Variants in FHIT observed in about 807,000 individuals in gnomAD.
FHIT encodes bis(5'-adenosyl)-triphosphatase.
In FHIT, 19 loss-of-function variants were observed where a neutral mutation model predicts 17.9. The observed-to-expected ratio is 1.06, with a 90% CI of 0.74 to 1.56. FHIT has a LOEUF of 1.56. Among genes scored for constraint, FHIT ranks in the 40% most tolerant of loss-of-function variants. The pLI, the probability that FHIT is intolerant of heterozygous loss-of-function variation, is 0.00. For synonymous variants in FHIT, 81 were observed against 69.7 expected (o/e 1.16, Z -0.81); for missense variants, 248 against 189.2 (o/e 1.31, Z -1.82).
chr3:60,247,724 G>A (rs551979932), intron 5 of FHIT, among the ~76,000 whole-genome samples: 14 of 152,172 alleles, frequency 9.2e-5, no homozygotes, highest in African/African-American at 3.4e-4. Context: ...CTTGCCACTT[G>A]CTTGATTTTA....
chr3:60,643,156 C>T (rs1329958695), intron 4 of FHIT, among the ~76,000 whole-genome samples: 5 of 152,130 alleles, frequency 3.3e-5, no homozygotes, highest in African/African-American at 1.2e-4. Flanking sequence ...GTCTTCACTG[C>T]AAGATAAAGT....
chr3:60,154,720 C>T (rs191018285), intron 5 of FHIT, among the ~76,000 whole-genome samples: 1 of 152,242 alleles, frequency 6.6e-6, no homozygotes, highest in Admixed American at 6.5e-5. Context: ...TTAAAAGGCA[C>T]AATTAATCAT....
chr3:61,167,016 A>ATT (rs1452367392), intron 2 of FHIT: 1 of 152,254 alleles, frequency 6.6e-6, no homozygotes, highest in African/African-American at 2.4e-5. Context: ...GACTCCAGAC[A>ATT]GGGTGGTCCA....
intron 3 of FHIT, among the ~76,000 whole-genome samples, chr3:60,925,011 A>G (rs1264212184): frequency 6.6e-6 from 1 of 152,234 alleles, no homozygotes; most frequent in African/African-American, 2.4e-5. Context: ...TTTAGAGAAA[A>G]AAGAATAAAA....
Position 60,700,962 on chromosome 3 carries a change from T to TCTA in FHIT, c.-18+120956_-18+120957insTAG, listed in dbSNP as rs529524907. ...TAAGAATTCCTATTTTTCTAAAATT[T>TCTA]ATATTGTTTAATGTACATTCATATA... On this transcript the variant is annotated intron_variant, in intron 4 of 9. Coordinates refer to ENST00000492590, the MANE Select transcript of FHIT (RefSeq NM_002012.4). 6.2e-3 allele frequency among the ~76,000 whole-genome samples: 951 copies of TCTA among 152,296 alleles called. 6 individuals are homozygous for TCTA. The highest frequency in any genetic ancestry group is 0.02 in the African/African-American group (849 of 41,552).
At chr3:60,834,907 C>T (rs940494639) in intron 3 of FHIT, among the ~76,000 whole-genome samples, 2 of 150,484 alleles carry the variant, frequency 1.3e-5, no homozygotes, top group African/African-American at 2.4e-5. Flanking sequence ...AACTCTTTCA[C>T]GGTGCAAAAG....
intron 8 of FHIT, among the ~76,000 whole-genome samples, chr3:59,901,576 A>C (rs1018162944): frequency 1.3e-5 from 2 of 152,322 alleles, no homozygotes; most frequent in Non-Finnish European, 2.9e-5. Context: ...ACAATGAGAT[A>C]CCACTTCATG....
chr3:60,120,109 C>A (rs1705179864), intron 5 of FHIT, among the ~76,000 whole-genome samples: 1 of 152,170 alleles, frequency 6.6e-6, no homozygotes, highest in South Asian at 2.1e-4. Context: ...TTCCACCAAC[C>A]TTTTCCAGTC....
intron 4 of FHIT, among the ~76,000 whole-genome samples, chr3:60,633,607 C>A (rs782119846): frequency 2.0e-5 from 3 of 152,128 alleles, no homozygotes; most frequent in Non-Finnish European, 2.9e-5. Context: ...TTAGAAAAAT[C>A]TTTCAAGCTA....
chr3:60,364,455 C>T (rs1462416866), intron 5 of FHIT, among the ~76,000 whole-genome samples: 2 of 152,222 alleles, frequency 1.3e-5, no homozygotes, highest in East Asian at 3.8e-4. Flanking sequence ...GTGAGACTGG[C>T]AAAATCTCAG....
intron 5 of FHIT, among the ~76,000 whole-genome samples, chr3:60,212,846 G>A (rs1874501): frequency 0.026 from 3,941 of 152,240 alleles, 182 homozygotes; most frequent in African/African-American, 0.088. Flanking sequence ...AATCCTGGGC[G>A]CTAATGATTT....
chr3:60,732,222 C>T (rs1312833807), intron 4 of FHIT: 2 of 833,376 alleles, frequency 2.4e-6, no homozygotes, highest in Non-Finnish European at 2.1e-6. Flanking sequence ...GTTCCATGGC[C>T]TCCATGATAT....
rs782326092 is a variant in FHIT, at chr3:60,854,751, T to C, written c.-110-32740A>G. Among the ~76,000 whole-genome samples the C allele has an allele frequency of 1.7e-4, 26 of 152,204 alleles. No homozygotes were observed. The Middle Eastern group carries it at 0.01, about 60-fold the overall frequency. On this transcript the variant is annotated intron_variant, in intron 3 of 9. Coordinates refer to ENST00000492590, the MANE Select transcript of FHIT (RefSeq NM_002012.4). ...AAAGTTCCATCCAGTGACTTCCACA[T>C]ACATCTGCCCAGCCACAAATGGGTC... is the stretch of plus-strand genomic sequence containing the variant.
At chr3:59,784,719 T>C (rs1207739641) in intron 8 of FHIT, among the ~76,000 whole-genome samples, 2 of 152,228 alleles carry the variant, frequency 1.3e-5, no homozygotes, top group African/African-American at 4.8e-5. Context: ...TTGTCCTTCC[T>C]GCACCAAGGC....
At chr3:60,501,736 A>G (rs2034533954) in intron 5 of FHIT, among the ~76,000 whole-genome samples, 1 of 152,226 alleles carries the variant, frequency 6.6e-6, no homozygotes, top group Admixed American at 6.5e-5. Flanking sequence ...CCACATTAAG[A>G]AATACCAAGT....
chr3:60,000,199 AAAGTCAAG>A (rs1458409579), intron 7 of FHIT, among the ~76,000 whole-genome samples: 3 of 152,102 alleles, frequency 2.0e-5, no homozygotes. Flanking sequence ...TAGGATTCCT[AAAGTCAAG>A]GGAATCCTAC....
intron 4 of FHIT, among the ~76,000 whole-genome samples, chr3:60,675,676 C>G (rs2040607198): frequency 1.3e-5 from 2 of 152,176 alleles, no homozygotes; most frequent in Non-Finnish European, 2.9e-5. Context: ...TCACATCTGT[C>G]TCTATGATAG....
chr3:60,918,580 G>A (rs1397940581), intron 3 of FHIT, among the ~76,000 whole-genome samples: 2 of 152,094 alleles, frequency 1.3e-5, no homozygotes, highest in Non-Finnish European at 2.9e-5. Context: ...CTGAGAGGGT[G>A]AAGGAATGGT....
chr3:61,179,008 C>CTTTTTTTTTTTTTTTT (rs778191387), intron 2 of FHIT, among the ~76,000 whole-genome samples: 2 of 127,626 alleles, frequency 1.6e-5, no homozygotes, highest in Admixed American at 8.0e-5. Context: ...TTTTCTTTTT[C>CTTTTTTTTTTTTTTTT]TTTTTTTTTT....
Sources: gnomAD v4.1 joint callset for allele counts (sites outside exome capture counted in the v4.1 genomes callset) on GRCh38, gnomAD v4.1.1 for gene constraint, MANE v1.5 for transcripts, NCBI Gene and HGNC (gene_info 2026-07-23, HGNC 2026-07-21) for gene names.